The following ARSG variants were observed in gnomAD, a reference collection of about 807,000 sequenced individuals.
ARSG encodes the protein ASG.
A neutral mutation model predicts 50.5 loss-of-function variants in ARSG; 37 were observed. The ratio of observed to expected loss-of-function variants is 0.73; its 90% CI spans 0.56 to 0.96. The LOEUF is 0.96. Ranked by LOEUF, ARSG falls within the 50% of genes least tolerant of loss-of-function variation. ARSG has a pLI of 0.00. For missense variants in ARSG, 629 were observed against 675.3 expected (o/e 0.93, Z 0.76); for synonymous variants, 225 against 254.6 (o/e 0.88, Z 1.11).
rs566698391 is a variant in ARSG at position 68,336,476 on chromosome 17, C to T, written c.219-7128C>T. Among the ~76,000 whole-genome samples the T allele has an allele frequency of 1.3e-4, 20 of 152,168 alleles. No individual in the cohort carries two copies. In the South Asian group the frequency reaches 2.5e-3, roughly 19 times the overall value. ...CCACCCACCTTGGCCTCCCAAAATG[C>T]TGGGATTACAGGCGTGAACCACCAC... On this transcript the variant is annotated intron_variant, in intron 2 of 11. Coordinates refer to ENST00000621439, the MANE Select transcript of ARSG (RefSeq NM_001267727.2).
chr17:68,425,948 A>G (rs2083139670), downstream of ARSG: 1 of 723,470 alleles, frequency 1.4e-6, no homozygotes, highest in Admixed American at 2.5e-5. Context: ...CTTTCCAAAT[A>G]CTAGAGCAGA....
intron 2 of ARSG, 27 bp from the exon 3 acceptor site, chr17:68,343,577 G>A (rs748347539): frequency 1.3e-6 from 2 of 1,585,216 alleles, no homozygotes; most frequent in South Asian, 1.2e-5. Flanking sequence ...GGTTGGTGCG[G>A]TCCTGACCAC....
At chr17:68,436,625 G>A in the ARSG span, 1 of 668,568 alleles carries the variant, frequency 1.5e-6, no homozygotes, top group Non-Finnish European at 2.5e-6. Flanking sequence ...TTCCGCTGAT[G>A]ATTCTTCTGA....
At chr17:68,448,418 G>A in the ARSG span, 1 of 152,198 alleles carries the variant, frequency 6.6e-6, no homozygotes, top group Non-Finnish European at 1.5e-5. Context: ...TTGGTTCCGA[G>A]AACTGTTAGA....
intron 1 of ARSG, among the ~76,000 whole-genome samples, chr17:68,303,100 A>G (rs183655616): frequency 6.6e-6 from 1 of 152,288 alleles, no homozygotes; most frequent in African/African-American, 2.4e-5. Context: ...ATGCAATCAA[A>G]TGCTTGGCTT....
chr17:68,281,519 G>A (rs2075696149), intron 1 of ARSG, among the ~76,000 whole-genome samples: 1 of 152,148 alleles, frequency 6.6e-6, no homozygotes, highest in Non-Finnish European at 1.5e-5. Context: ...AGGTTGCAGT[G>A]AGCCGAGATC....
At chr17:68,298,401 C>T (rs782591962) in intron 1 of ARSG, among the ~76,000 whole-genome samples, 4 of 151,788 alleles carry the variant, frequency 2.6e-5, no homozygotes, top group Non-Finnish European at 5.9e-5. Flanking sequence ...ATCAGGAGTT[C>T]AAGACCAGTC....
chr17:68,376,558 TG>T (rs1476389335), intron 8 of ARSG, among the ~76,000 whole-genome samples: 3 of 152,024 alleles, frequency 2.0e-5, no homozygotes, highest in Non-Finnish European at 4.4e-5. Flanking sequence ...CCCAAAATGT[TG>T]GGATTACAGG....
chr17:68,335,088 C>T (rs943938735), intron 2 of ARSG, among the ~76,000 whole-genome samples: 2 of 152,132 alleles, frequency 1.3e-5, no homozygotes, highest in Non-Finnish European at 2.9e-5. Flanking sequence ...CCTCTAACTC[C>T]TGGGCTTAAG....
intron 2 of ARSG, among the ~76,000 whole-genome samples, chr17:68,328,531 A>C (rs1273200190): frequency 6.6e-6 from 1 of 152,114 alleles, no homozygotes; most frequent in Non-Finnish European, 1.5e-5. Flanking sequence ...GATAGGGCTC[A>C]TCTTATTTTC....
chr17:68,371,120 A>T (rs2079818727), intron 8 of ARSG, among the ~76,000 whole-genome samples: 1 of 152,080 alleles, frequency 6.6e-6, no homozygotes, highest in African/African-American at 2.4e-5. Context: ...GGAGATGGAG[A>T]CCATCCTGGC....
At chr17:68,409,504 A>G (rs890144281) in intron 11 of ARSG, among the ~76,000 whole-genome samples, 53 of 151,946 alleles carry the variant, frequency 3.5e-4, no homozygotes, top group South Asian at 1.5e-3. Flanking sequence ...TACCAGTACC[A>G]TGCTGTTTTG....
intron 2 of ARSG, among the ~76,000 whole-genome samples, chr17:68,322,730 G>A (rs2077341551): frequency 6.6e-6 from 1 of 152,188 alleles, no homozygotes; most frequent in Non-Finnish European, 1.5e-5. Flanking sequence ...GTTAAAATTG[G>A]GCAAGCAGGG....
upstream of ARSG, among the ~76,000 whole-genome samples, chr17:68,289,337 C>T (rs1167167370): frequency 1.3e-5 from 2 of 152,082 alleles, no homozygotes; most frequent in African/African-American, 4.8e-5. Flanking sequence ...CTTGGAAATC[C>T]GCTATCCTTG....
At position 68,399,491 on chromosome 17, in the gene ARSG, G is replaced by A. The variant is rs1167703545; in HGVS notation, c.1213-1869G>A. 6.6e-6 allele frequency among the ~76,000 whole-genome samples: 1 copy of A among 152,186 alleles called. No homozygotes were observed. The highest frequency in any genetic ancestry group is 1.5e-5 in the Non-Finnish European group (1 of 68,036). On this transcript the variant is annotated intron_variant, in intron 10 of 11. Transcript: ENST00000621439. The surrounding 1 kb of genome is among the most constrained non-coding windows in gnomAD (Gnocchi z 4.6). ...AAGTCATCTTTGAAATTTGAACCAG[G>A]CATCTGGAGAGCTGTGATTCATGTG...
the ARSG span, chr17:68,436,450 T>C: frequency 6.2e-7 from 1 of 1,613,684 alleles, no homozygotes; most frequent in Non-Finnish European, 8.5e-7. Flanking sequence ...AGGTAAGAAT[T>C]GGAATGGTTG....
chr17:68,330,592 G>T (rs1041138588), intron 2 of ARSG, among the ~76,000 whole-genome samples: 5 of 152,164 alleles, frequency 3.3e-5, no homozygotes, highest in East Asian at 1.9e-4. Context: ...AGGGTGGGGG[G>T]TGCTATTTAC....
At chr17:68,298,769 C>T (rs149487982) in intron 1 of ARSG, among the ~76,000 whole-genome samples, 199 of 152,136 alleles carry the variant, frequency 1.3e-3, no homozygotes, top group African/African-American at 4.3e-3. Context: ...CTTGCTGTGT[C>T]CTCACATGGC....
At chr17:68,448,511 C>T in the ARSG span, 3 of 152,096 alleles carry the variant, frequency 2.0e-5, no homozygotes, top group Admixed American at 2.0e-4. Context: ...GAGAACCTCA[C>T]AGTTAATGAG....
Sources: allele counts gnomAD v4.1 joint callset (sites outside exome capture counted in the v4.1 genomes callset), GRCh38; gene constraint gnomAD v4.1.1; non-coding constraint Gnocchi (gnomAD v3.1); transcripts MANE v1.5; gene names NCBI Gene and HGNC (gene_info 2026-07-23, HGNC 2026-07-21).